Variants in GALK2 observed in about 807,000 individuals in gnomAD.
GALK2 encodes the protein galactokinase 2.
GALK2 carries 36 observed loss-of-function variants against 52.4 expected under a neutral mutation model. The observed-to-expected ratio is 0.69, with a 90% CI of 0.53 to 0.91. GALK2 has a LOEUF of 0.91. Among genes scored for constraint, GALK2 ranks in the 40% least tolerant of loss-of-function variants. The pLI is 0.00. For synonymous variants in GALK2, 176 were observed against 199.1 expected (o/e 0.88, Z 0.98); for missense variants, 579 against 559.1 (o/e 1.04, Z -0.36).
intron 5 of GALK2, among the ~76,000 whole-genome samples, chr15:49,247,023 C>T (rs529251647): frequency 3.3e-5 from 5 of 152,046 alleles, no homozygotes; most frequent in South Asian, 4.2e-4. Context: ...TCAGCTAGGC[C>T]GTAGTTAAGG....
intron 5 of GALK2, among the ~76,000 whole-genome samples, chr15:49,260,660 G>T (rs1220825603): frequency 6.7e-6 from 1 of 149,262 alleles, no homozygotes; most frequent in Admixed American, 6.7e-5. Context: ...GTCCTGAATG[G>T]TAATGCCTAG....
At chr15:49,339,552 G>T (rs1185791815) in intron 3 of GALK2, among the ~76,000 whole-genome samples, 1 of 152,190 alleles carries the variant, frequency 6.6e-6, no homozygotes, top group African/African-American at 2.4e-5. Context: ...TGTAGGAGGT[G>T]TCTGTTGGCC....
At chr15:49,360,516 T>G (rs2044027665) in intron 3 of GALK2, among the ~76,000 whole-genome samples, 1 of 152,202 alleles carries the variant, frequency 6.6e-6, no homozygotes, top group South Asian at 2.1e-4. Context: ...TTTTGGGTAT[T>G]CTTTGGTTAG....
chr15:49,251,939 G>T (rs2091620826), intron 5 of GALK2, among the ~76,000 whole-genome samples: 1 of 151,900 alleles, frequency 6.6e-6, no homozygotes, highest in South Asian at 2.1e-4. Context: ...TGCCCTTTTT[G>T]TAAAACACCC....
At chr15:49,294,829 A>T (rs2141835166) in intron 8 of GALK2, among the ~76,000 whole-genome samples, 1 of 152,268 alleles carries the variant, frequency 6.6e-6, no homozygotes, top group African/African-American at 2.4e-5. Flanking sequence ...TTTGAGCTGG[A>T]TCCTTAGAGA....
At chr15:49,167,798 T>C (rs1046827686), upstream of GALK2, among the ~76,000 whole-genome samples, 4 of 152,240 alleles carry the variant, frequency 2.6e-5, no homozygotes, top group African/African-American at 9.6e-5. Context: ...ATACGCAAAG[T>C]GCTTACTTAG....
At chr15:49,206,040 A>G (rs1051443615) in intron 2 of GALK2, among the ~76,000 whole-genome samples, 3 of 151,908 alleles carry the variant, frequency 2.0e-5, no homozygotes, top group African/African-American at 7.2e-5. Context: ...TCAGTTGGCT[A>G]TAAGTATTTG....
At chr15:49,353,135 C>T (rs1399738748) in intron 3 of GALK2, among the ~76,000 whole-genome samples, 1 of 152,176 alleles carries the variant, frequency 6.6e-6, no homozygotes, top group Admixed American at 6.5e-5. Context: ...AATTCAGCCA[C>T]TGATAGTGTG....
intron 8 of GALK2, among the ~76,000 whole-genome samples, chr15:49,295,333 C>CTATA (rs35056008): frequency 2.9e-4 from 43 of 147,114 alleles, no homozygotes; most frequent in African/African-American, 9.8e-4. Flanking sequence ...CTCTCTCTAT[C>CTATA]TATATATATA....
chr15:49,163,749 A>G (rs1346593477), intron 1 of GALK2, among the ~76,000 whole-genome samples: 2 of 152,224 alleles, frequency 1.3e-5, no homozygotes. Context: ...CCTTGAGGAC[A>G]CAACTGTCTT....
At chr15:49,342,391 C>T (rs182956321) in intron 3 of GALK2, among the ~76,000 whole-genome samples, 11 of 152,228 alleles carry the variant, frequency 7.2e-5, no homozygotes, top group Admixed American at 6.5e-4. Context: ...GAACTTTCTC[C>T]AGTCCTTTAA....
intron 2 of GALK2, among the ~76,000 whole-genome samples, chr15:49,210,518 C>G (rs1210885484): frequency 6.6e-6 from 1 of 151,972 alleles, no homozygotes; most frequent in Non-Finnish European, 1.5e-5. Flanking sequence ...CAGCTCACTG[C>G]AATGTCTGCC....
chr15:49,223,809 T>C (rs1486903779), intron 3 of GALK2, among the ~76,000 whole-genome samples: 2 of 152,184 alleles, frequency 1.3e-5, no homozygotes, highest in African/African-American at 4.8e-5. Context: ...CCTGCGTTGA[T>C]TCCATGTGTT....
intron 5 of GALK2, among the ~76,000 whole-genome samples, chr15:49,264,801 C>G (rs2092291924): frequency 6.6e-6 from 1 of 152,212 alleles, no homozygotes; most frequent in African/African-American, 2.4e-5. Context: ...AGACAGGACC[C>G]TCAGCTGCAG....
intron 4 of GALK2, among the ~76,000 whole-genome samples, chr15:49,237,910 A>T (rs1275479148): frequency 1.3e-5 from 2 of 151,906 alleles, no homozygotes; most frequent in East Asian, 3.9e-4. Context: ...GCAACAGTAG[A>T]GTTTCAGTTT....
intron 2 of GALK2, among the ~76,000 whole-genome samples, chr15:49,206,183 T>C (rs2088265704): frequency 6.6e-6 from 1 of 152,004 alleles, no homozygotes; most frequent in Non-Finnish European, 1.5e-5. Flanking sequence ...TCCAGATTTG[T>C]TTCTTTTTGC....
In GALK2 at chr15:49,354,771, TC is replaced by T. The variant is rs1260784517; in HGVS notation, c.427-12718del. ...AGGAGGCCTGCCTGCCTCTGTAGGC[TC>T]CACCTCTGGGGGCAGGGCACAGACA... On this transcript the variant is annotated intron_variant, in intron 3 of 3. Transcript: ENST00000558399. Among the ~76,000 whole-genome samples the T allele has an allele frequency of 4.1e-3, 627 of 152,124 alleles. 7 individuals carry two copies. The highest frequency in any genetic ancestry group is 0.014 in the African/African-American group (598 of 41,492).
intron 3 of GALK2, chr15:49,344,016 AT>A (rs1478246720): frequency 6.6e-6 from 1 of 152,222 alleles, no homozygotes; most frequent in Non-Finnish European, 1.5e-5. Flanking sequence ...ATTTTTTATC[AT>A]TTAATAAACA....
intron 5 of GALK2, among the ~76,000 whole-genome samples, chr15:49,273,687 C>T (rs1306289791): frequency 6.6e-6 from 1 of 151,992 alleles, no homozygotes; most frequent in African/African-American, 2.4e-5. Flanking sequence ...GAGAACTTCT[C>T]TGTCCTGGAT....
Sources: gnomAD v4.1 joint callset for allele counts (sites outside exome capture counted in the v4.1 genomes callset) on GRCh38, gnomAD v4.1.1 for gene constraint, MANE v1.5 for transcripts, NCBI Gene and HGNC (gene_info 2026-07-23, HGNC 2026-07-21) for gene names.